Variants in USP34 observed in about 807,000 individuals in gnomAD.
The protein encoded by USP34 is ubiquitin specific peptidase 34, also known as ubiquitin carboxyl-terminal hydrolase 34.
A neutral mutation model predicts 460.3 loss-of-function variants in USP34; 70 were observed. The ratio of observed to expected loss-of-function variants is 0.15; its 90% CI spans 0.13 to 0.19. The LOEUF (loss-of-function observed/expected upper bound fraction) is 0.19, where lower values mean the gene tolerates loss of function less well. Among genes scored for constraint, USP34 ranks in the 10% least tolerant of loss-of-function variants. The probability of loss-of-function intolerance (pLI) is 1.00; values close to 1 mark genes in which losing one functional copy is unlikely to be tolerated. For synonymous variants in USP34, 1,647 were observed against 1,405.3 expected, an observed-to-expected ratio of 1.17 and a Z score of -3.85; for missense variants, 3,985 against 4,236.2, an observed-to-expected ratio of 0.94 and a Z score of 1.65.
At chr2:61,346,587 G>T (rs1238718677) in intron 15 of USP34, among the ~76,000 whole-genome samples, 2 of 136,682 alleles carry the variant, frequency 1.5e-5, no homozygotes, top group African/African-American at 5.6e-5. Context: ...TGCAATCCTA[G>T]CACTTTGGCA....
In USP34 at chr2:61,266,147, G is replaced by A. The variant is rs1480527024; in HGVS notation, c.5454C>T (p.Phe1818=). Residue 1818 remains phenylalanine (F), a synonymous_variant, in exon 42 of 80, where the codon TTC becomes TTT. Transcript: ENST00000398571. ...GACTTGGCAACAAAAACAGGAGATT[G>A]AAGATATCTCTCAAAAATTCCTGGG... is the stretch of plus-strand genomic sequence containing the variant. ...REGQEFLRDI[F]NLLFLLPSLK... is the part of the protein sequence containing the mutation. The A allele has an allele frequency of 6.2e-7, 1 of 1,610,308 alleles. No homozygotes were observed. The highest frequency in any genetic ancestry group is 1.1e-5 in the South Asian group (1 of 90,866).
intron 43 of USP34, among the ~76,000 whole-genome samples, chr2:61,264,924 AAAT>A (rs902474114): frequency 1.3e-5 from 2 of 152,148 alleles, no homozygotes; most frequent in Non-Finnish European, 1.5e-5. Context: ...AAGTGAATAA[AAAT>A]AACATGAAGC....
chr2:61,374,338 T>C (rs752784823), intron 8 of USP34, among the ~76,000 whole-genome samples: 1 of 152,110 alleles, frequency 6.6e-6, no homozygotes, highest in Admixed American at 6.5e-5. Flanking sequence ...CCATATTCCA[T>C]ATTTGTGAAG....
intron 68 of USP34, among the ~76,000 whole-genome samples, chr2:61,213,597 GCATTT>G (rs1687327167): frequency 6.6e-6 from 1 of 152,178 alleles, no homozygotes; most frequent in African/African-American, 2.4e-5. Flanking sequence ...GATCTCTTAA[GCATTT>G]CATTTGTTTG....
At chr2:61,470,030 T>C (rs1308215921) in intron 1 of USP34, among the ~76,000 whole-genome samples, 1 of 152,218 alleles carries the variant, frequency 6.6e-6, no homozygotes, top group Non-Finnish European at 1.5e-5. Flanking sequence ...CGGTGAATGC[T>C]ACACTAAGAA....
chr2:61,366,007 A>C (rs1692427918), intron 10 of USP34, among the ~76,000 whole-genome samples: 1 of 151,932 alleles, frequency 6.6e-6, no homozygotes, highest in Admixed American at 6.6e-5. Context: ...GCTGGGGTAC[A>C]ATGGCGTGAT....
At chr2:61,367,497 G>A (rs376248541) in intron 10 of USP34, among the ~76,000 whole-genome samples, 29 of 152,224 alleles carry the variant, frequency 1.9e-4, no homozygotes, top group African/African-American at 7.0e-4. Context: ...AGCACACAAT[G>A]TTAGACATGG....
At chr2:61,350,482 T>C (rs1691912125) in intron 11 of USP34, 86 bp downstream of exon 11, 2 of 1,550,024 alleles carry the variant, frequency 1.3e-6, no homozygotes, top group Admixed American at 2.1e-5. Context: ...GCCAAGACAA[T>C]AAAATGAAAG....
At chr2:61,400,628 T>C (rs559976250) in intron 3 of USP34, among the ~76,000 whole-genome samples, 8 of 152,144 alleles carry the variant, frequency 5.3e-5, no homozygotes, top group South Asian at 2.1e-4. Context: ...GGCAGGAAGA[T>C]TGCCCAAAGC....
chr2:61,345,469 T>C (rs138630581), intron 15 of USP34, among the ~76,000 whole-genome samples: 6 of 152,240 alleles, frequency 3.9e-5, no homozygotes, highest in Non-Finnish European at 7.4e-5. Flanking sequence ...ATAGCAAAAC[T>C]CAATCTGATA....
At chr2:61,343,018 C>T (rs992692694) in intron 16 of USP34, among the ~76,000 whole-genome samples, 7 of 152,086 alleles carry the variant, frequency 4.6e-5, no homozygotes, top group Non-Finnish European at 1.0e-4. Flanking sequence ...ACAAAAAACA[C>T]ATACAAATCA....
At chr2:61,383,484 C>T (rs766549266) in intron 5 of USP34, 148 bp from the exon 6 acceptor site, 1 of 489,372 alleles carries the variant, frequency 2.0e-6, no homozygotes, top group Non-Finnish European at 3.7e-6. Context: ...GTGGGCAGAT[C>T]CGAAGGTCAG....
chr2:61,422,829 T>C (rs1344879226), intron 1 of USP34, among the ~76,000 whole-genome samples: 1 of 152,050 alleles, frequency 6.6e-6, no homozygotes, highest in Non-Finnish European at 1.5e-5. Context: ...TGAAACCCCA[T>C]CTCTACGAAA....
At chr2:61,270,617 G>A (rs1453372466) in intron 41 of USP34, among the ~76,000 whole-genome samples, 8 of 151,992 alleles carry the variant, frequency 5.3e-5, no homozygotes, top group Admixed American at 5.2e-4. Context: ...TGTATTTTTA[G>A]TAGAGACTGG....
chr2:61,425,156 T>C (rs889469441), intron 1 of USP34, among the ~76,000 whole-genome samples: 8 of 152,024 alleles, frequency 5.3e-5, no homozygotes, highest in Non-Finnish European at 5.9e-5. Flanking sequence ...AGAGCAAGCA[T>C]AGAAGGCTCC....
chr2:61,260,217 C>A (rs1288494861), intron 43 of USP34, among the ~76,000 whole-genome samples: 3 of 152,198 alleles, frequency 2.0e-5, no homozygotes, highest in Non-Finnish European at 2.9e-5. Context: ...ATTCTTCACA[C>A]TGAAGAGGAA....
At chr2:61,339,056 G>A (rs1691510969) in intron 18 of USP34, among the ~76,000 whole-genome samples, 1 of 152,112 alleles carries the variant, frequency 6.6e-6, no homozygotes, top group African/African-American at 2.4e-5. Context: ...TGAAAACAGA[G>A]TAATCACCAA....
intron 16 of USP34, among the ~76,000 whole-genome samples, chr2:61,340,858 CTTTT>C (rs5831606): frequency 4.0e-5 from 5 of 124,796 alleles, no homozygotes; most frequent in African/African-American, 9.0e-5. Context: ...TGTGGCTTGT[CTTTT>C]TTTTTTTTTT....
intron 1 of USP34, among the ~76,000 whole-genome samples, chr2:61,465,870 G>A (rs569084479): frequency 4.9e-4 from 74 of 152,094 alleles, no homozygotes; most frequent in African/African-American, 1.4e-3. Flanking sequence ...CCAGCTCCTC[G>A]GGAAGCTGAG....
Sources: allele counts gnomAD v4.1 joint callset (sites outside exome capture counted in the v4.1 genomes callset), GRCh38; gene constraint gnomAD v4.1.1; transcripts MANE v1.5; gene names NCBI Gene and HGNC (gene_info 2026-07-23, HGNC 2026-07-21).